The following FKBP1B variants were observed in gnomAD, a reference collection of about 807,000 sequenced individuals.
FKBP1B encodes FKBP prolyl isomerase 1B.
FKBP1B carries 4 observed loss-of-function variants against 13.5 expected under a neutral mutation model. The observed-to-expected ratio is 0.30, with a 90% CI of 0.15 to 0.68. The LOEUF (loss-of-function observed/expected upper bound fraction) is 0.68. Ranked by LOEUF, FKBP1B falls within the 30% of genes least tolerant of loss-of-function variation. The pLI is 0.76. For missense variants in FKBP1B, 93 were observed against 136.2 expected (o/e 0.68, Z 1.58); for synonymous variants, 54 against 53.6 (o/e 1.01, Z -0.03).
At chr2:24,035,976 G>A in the FKBP1B span, among the ~76,000 whole-genome samples, 7 of 151,364 alleles carry the variant, frequency 4.6e-5, no homozygotes, top group Non-Finnish European at 1.0e-4. Flanking sequence ...GGCTGAGGCA[G>A]GAGAATTGCT....
At chr2:24,060,751 G>A (rs951459728) in intron 2 of FKBP1B, 63 bp from the exon 3 acceptor site, 2 of 1,177,328 alleles carry the variant, frequency 1.7e-6, no homozygotes, top group East Asian at 2.3e-5. Flanking sequence ...TAGACATGTG[G>A]AATCTGAATT....
At chr2:24,051,166 T>G (rs1344843372) in intron 1 of FKBP1B, among the ~76,000 whole-genome samples, 2 of 152,044 alleles carry the variant, frequency 1.3e-5, no homozygotes, top group Non-Finnish European at 2.9e-5. Flanking sequence ...AAACCCCGTC[T>G]CTACTAAAAA....
chr2:24,037,906 G>A, the FKBP1B span: 1 of 1,614,158 alleles, frequency 6.2e-7, no homozygotes, highest in Non-Finnish European at 8.5e-7. Context: ...GTGGTCTGGT[G>A]TGCTGCTGTG....
At chr2:24,038,760 G>A in the FKBP1B span, 24 of 1,614,200 alleles carry the variant, frequency 1.5e-5, 1 homozygote, top group South Asian at 1.9e-4. Flanking sequence ...ACGGAGTCAT[G>A]TCTTTACTGT....
chr2:24,047,737 A>T (rs1206149115), upstream of FKBP1B, among the ~76,000 whole-genome samples: 1 of 152,212 alleles, frequency 6.6e-6, no homozygotes, highest in Non-Finnish European at 1.5e-5. Flanking sequence ...CCTTCTTTAA[A>T]ATCTGATAAA....
intron 1 of FKBP1B, among the ~76,000 whole-genome samples, chr2:24,051,799 A>G (rs764673358): frequency 5.3e-5 from 8 of 152,246 alleles, no homozygotes; most frequent in Admixed American, 1.3e-4. Context: ...TCCCTCCTCC[A>G]GGATCCCATA....
the FKBP1B span, chr2:24,037,848 T>C: frequency 1.2e-5 from 20 of 1,614,086 alleles, no homozygotes; most frequent in South Asian, 6.6e-5. Flanking sequence ...CCTTTTCACT[T>C]TGTAAGTTCT....
At chr2:24,062,608 T>C (rs950747944) in intron 3 of FKBP1B, among the ~76,000 whole-genome samples, 1 of 152,198 alleles carries the variant, frequency 6.6e-6, no homozygotes, top group South Asian at 2.1e-4. Flanking sequence ...GCCACCACGG[T>C]TGGCCACAAT....
intron 2 of FKBP1B, 38 bp downstream of exon 2, chr2:24,053,987 C>G (rs1573684851): frequency 1.9e-6 from 3 of 1,595,412 alleles, no homozygotes; most frequent in Non-Finnish European, 2.6e-6. Context: ...CAGTCCTTCC[C>G]CTCCCAAGGC....
intron 3 of FKBP1B, 79 bp from the exon 4 acceptor site, chr2:24,062,985 C>T (rs377237447): frequency 1.2e-6 from 2 of 1,607,150 alleles, no homozygotes; most frequent in Admixed American, 1.7e-5. Flanking sequence ...TGGGAAAATG[C>T]CATAGTCATC....
upstream of FKBP1B, among the ~76,000 whole-genome samples, chr2:24,045,003 A>G (rs1663567633): frequency 6.6e-6 from 1 of 152,196 alleles, no homozygotes; most frequent in African/African-American, 2.4e-5. Flanking sequence ...CATAAAGGGC[A>G]TGCTGAGGAA....
chr2:24,034,685 C>T, the FKBP1B span, among the ~76,000 whole-genome samples: 8 of 151,574 alleles, frequency 5.3e-5, no homozygotes, highest in African/African-American at 1.9e-4. Context: ...GTGATCCTCA[C>T]ACCTCAGCCT....
chr2:24,053,382 G>A (rs1663968840), intron 1 of FKBP1B, among the ~76,000 whole-genome samples: 2 of 147,358 alleles, frequency 1.4e-5, no homozygotes. Context: ...TCCCACCTCA[G>A]CCTCCCAAAG....
At chr2:24,037,947 C>T in the FKBP1B span, 4 of 1,614,120 alleles carry the variant, frequency 2.5e-6, no homozygotes, top group South Asian at 4.4e-5. Context: ...GGGTAACAGG[C>T]TCAGCATCTA....
the FKBP1B span, among the ~76,000 whole-genome samples, chr2:24,043,162 C>T: frequency 2.0e-5 from 3 of 151,938 alleles, no homozygotes; most frequent in African/African-American, 4.8e-5. Flanking sequence ...GGCGAAACCT[C>T]GTCTCTACTA....
At chr2:24,040,285 G>A in the FKBP1B span, among the ~76,000 whole-genome samples, 1 of 152,108 alleles carries the variant, frequency 6.6e-6, no homozygotes, top group African/African-American at 2.4e-5. Context: ...AACAAATGTA[G>A]CAAAATGTTA....
chr2:24,040,642 A>G, the FKBP1B span, among the ~76,000 whole-genome samples: 1 of 152,262 alleles, frequency 6.6e-6, no homozygotes. Context: ...TTTTAAAATA[A>G]TGTAAAGTAG....
At chr2:24,041,970 TA>T in the FKBP1B span, among the ~76,000 whole-genome samples, 1 of 150,908 alleles carries the variant, frequency 6.6e-6, no homozygotes, top group African/African-American at 2.4e-5. Context: ...ACATAAAAAA[TA>T]CTATTTAATG....
chr2:24,052,344 G>A (rs552231946), intron 1 of FKBP1B, among the ~76,000 whole-genome samples: 12 of 152,040 alleles, frequency 7.9e-5, no homozygotes, highest in East Asian at 1.9e-4. Flanking sequence ...TATTAAATCC[G>A]GCTCTTCAAG....
Sources: allele counts gnomAD v4.1 joint callset (sites outside exome capture counted in the v4.1 genomes callset), GRCh38; gene constraint gnomAD v4.1.1; transcripts MANE v1.5; gene names NCBI Gene and HGNC (gene_info 2026-07-23, HGNC 2026-07-21).